SH3TC2: variants seen among roughly 807,000 people sequenced by gnomAD.
The protein encoded by SH3TC2 is SH3 domain and tetratricopeptide repeat-containing protein 2.
In SH3TC2, 87 loss-of-function variants were observed where a neutral mutation model predicts 124.5. The ratio of observed to expected loss-of-function variants is 0.70; its 90% CI spans 0.59 to 0.84. The LOEUF (loss-of-function observed/expected upper bound fraction) is 0.84, where lower values mean the gene tolerates loss of function less well. SH3TC2 is among the 40% of genes least tolerant of loss of function. SH3TC2 has a pLI of 0.00. For missense variants in SH3TC2, 1,536 were observed against 1,566.4 expected (o/e 0.98, Z 0.33); for synonymous variants, 634 against 628.5 (o/e 1.01, Z -0.13).
At chr5:149,050,020 A>G (rs1343896823) in intron 2 of SH3TC2, among the ~76,000 whole-genome samples, 1 of 152,138 alleles carries the variant, frequency 6.6e-6, no homozygotes, top group Non-Finnish European at 1.5e-5. Context: ...CCATCCTTCC[A>G]ACATCTGATC....
In SH3TC2 at chr5:149,010,284, C is replaced by T. The variant is rs750746661; in HGVS notation, c.3313G>A (p.Val1105Met). Residue 1105 changes from valine (V) to methionine (M), a missense_variant, in exon 14 of 17, where the codon GTG (valine) becomes ATG (methionine). Coordinates refer to ENST00000515425, the MANE Select transcript of SH3TC2 (RefSeq NM_024577.4). ...FNGTRHRHHA[V>M]EYYRAGAVPL... ...CTTGGACTTACTCGGTAGTACTCCA[C>T]TGCATGATGCCTGTGGCGGGTCCCA... is the stretch of plus-strand genomic sequence containing the variant. 5.9e-5 allele frequency: 96 copies of T among 1,614,254 alleles called. 2 individuals carry two copies. The East Asian group carries it at 2.0e-3, about 33-fold the overall frequency.
chr5:149,052,225 G>A lies in SH3TC2; in HGVS notation c.68C>T (p.Ser23Phe). 6.2e-7 allele frequency: 1 copy of A among 1,612,378 alleles called. No homozygotes were observed. Among genetic ancestry groups the A allele is most frequent in the Non-Finnish European group, 8.5e-7 (1 of 1,178,510 alleles). ...CTCACTCGATACAGTTGGATCCTTG[G>A]AAGGAGTTTCTTTACCTGGAGAAGA... ...LTRGPGKETP[S>F]KDPTVSSECI... The change falls in exon 2 of 17, where the codon TCC becomes TTC. Residue 23 changes from serine (S) to phenylalanine (F), a missense_variant. Ser to Phe is a radical substitution (Grantham distance 155). Around this residue, in one of 3 missense-constraint regions of SH3TC2, gnomAD observed 1,102 missense variants for 1,098.6 expected, o/e 1.00. Coordinates refer to ENST00000515425, the MANE Select transcript of SH3TC2 (RefSeq NM_024577.4).
At position 149,004,665 on chromosome 5, in the gene SH3TC2, G is replaced by A. The variant is rs532297196; in HGVS notation, c.*46C>T. 96 of 1,604,208 alleles carry A rather than the reference G, an allele frequency of 6.0e-5. 1 individual carries two copies. The South Asian group carries it at 1.0e-3, about 17-fold the overall frequency. On this transcript the variant is annotated 3_prime_UTR_variant, in exon 17 of 17. Transcript: ENST00000515425. Reference sequence around the variant, plus strand: ...GTATTTAAGAGCCTAGGGCAGTGGGGTCAGAGTCTGGCCATGCCAAATGTC... The same window carrying A: ...GTATTTAAGAGCCTAGGGCAGTGGGATCAGAGTCTGGCCATGCCAAATGTC...
chr5:149,023,891 G>GA (rs2127396128), intron 12 of SH3TC2, among the ~76,000 whole-genome samples: 1 of 152,172 alleles, frequency 6.6e-6, no homozygotes, highest in East Asian at 1.9e-4. Context: ...CATAATTTTA[G>GA]AAAAAACTAT....
In SH3TC2 at chr5:149,022,502, A is replaced by G. The variant is rs149297022; in HGVS notation, c.3053+4070T>C. Among the ~76,000 whole-genome samples the G allele has an allele frequency of 3.3e-5, 5 of 152,328 alleles. No individual in the cohort carries two copies. In the East Asian group the frequency reaches 9.6e-4, roughly 29 times the overall value. ...CTAGCAGTTCCCCAAAAGTTTAAAT[A>G]TAGAATTATGGTGTGACTCTGTAAT... On this transcript the variant is annotated intron_variant, in intron 12 of 16. Coordinates refer to ENST00000515425, the MANE Select transcript of SH3TC2 (RefSeq NM_024577.4).
chr5:148,997,836 T>C lies in SH3TC2; in HGVS notation c.*6875A>G, dbSNP rs893442552. ...AAAAATAATAGTAACTACACCAAAA[T>C]GTTGTGTGATTACATGAGAGTCATC... On this transcript the variant is annotated 3_prime_UTR_variant, in exon 17 of 17. Coordinates refer to ENST00000515425, the MANE Select transcript of SH3TC2 (RefSeq NM_024577.4). 1.3e-5 allele frequency among the ~76,000 whole-genome samples: 2 copies of C among 151,510 alleles called. No individual in the cohort carries two copies. The highest frequency in any genetic ancestry group is 6.6e-5 in the Admixed American group (1 of 15,224).
chr5:149,040,554 C>T (rs774238382), intron 7 of SH3TC2, 50 bp downstream of exon 7: 3 of 1,523,492 alleles, frequency 2.0e-6, no homozygotes, highest in Non-Finnish European at 2.7e-6. Flanking sequence ...AATTGAGAGG[C>T]AGGACAACAT....
intron 8 of SH3TC2, 99 bp from the exon 9 acceptor site, chr5:149,031,786 G>A (rs1019544879): frequency 6.6e-7 from 1 of 1,524,536 alleles, no homozygotes; most frequent in Admixed American, 1.7e-5. Context: ...ATGCAGAAAA[G>A]TCATCAAACC....
intron 12 of SH3TC2, among the ~76,000 whole-genome samples, chr5:149,020,113 A>ACACAC (rs1753943863): frequency 6.8e-6 from 1 of 146,804 alleles, no homozygotes; most frequent in Admixed American, 6.7e-5. Flanking sequence ...GAAAAGGTCA[A>ACACAC]ACACACACAC....
chr5:149,045,678 T>A (rs948243132), intron 3 of SH3TC2: 1 of 154,196 alleles, frequency 6.5e-6, no homozygotes, highest in African/African-American at 2.4e-5. Flanking sequence ...AGTCTCGCTC[T>A]GTCGCCAGGC....
Position 148,990,231 on chromosome 5 carries a change from T to C in SH3TC2, c.*14480A>G, listed in dbSNP as rs564255234. On this transcript the variant is annotated 3_prime_UTR_variant, in exon 17 of 17. Transcript: ENST00000515425. ...GCAGTTCCTTTCTCCTACTAGGACA[T>C]TGGTCATTTAAAATATATTCATAGT... 1.1e-4 allele frequency among the ~76,000 whole-genome samples: 17 copies of C among 152,072 alleles called. No homozygotes were observed. The highest frequency in any genetic ancestry group is 2.1e-4 in the Non-Finnish European group (14 of 68,026).
At chr5:149,020,581 A>C (rs140899404) in intron 12 of SH3TC2, among the ~76,000 whole-genome samples, 18 of 152,326 alleles carry the variant, frequency 1.2e-4, no homozygotes, top group African/African-American at 4.1e-4. Flanking sequence ...TGCTGCCTAC[A>C]AGAGACATAC....
Position 148,997,538 on chromosome 5 carries a change from T to A in SH3TC2, c.*7173A>T, listed in dbSNP as rs1753531774. ...TCCAATCCTGTTCTAAAGTAACCAA[T>A]TTTGATTGATTCAATTACACCAGAA... On this transcript the variant is annotated 3_prime_UTR_variant, in exon 17 of 17. Coordinates refer to ENST00000515425, the MANE Select transcript of SH3TC2 (RefSeq NM_024577.4). 1.3e-5 allele frequency among the ~76,000 whole-genome samples: 2 copies of A among 152,212 alleles called. No individual in the cohort carries two copies. Among genetic ancestry groups the A allele is most frequent in the African/African-American group, 4.8e-5 (2 of 41,456 alleles).
rs1160585027 is a variant in SH3TC2 at position 148,984,359 on chromosome 5, T to C, written c.*20352A>G. 6.6e-6 allele frequency among the ~76,000 whole-genome samples: 1 copy of C among 152,052 alleles called. No homozygotes were observed. The highest frequency in any genetic ancestry group is 2.4e-5 in the African/African-American group (1 of 41,430). The stretch of plus-strand genomic sequence containing the variant: ...CAGTTTATTCATTATACATTATAAA[T>C]ATATACAATTATTATTTATCAATTA... On this transcript the variant is annotated 3_prime_UTR_variant, in exon 17 of 17. Coordinates refer to ENST00000515425, the MANE Select transcript of SH3TC2 (RefSeq NM_024577.4).
At chr5:149,062,824 C>T (rs1251243919) in intron 1 of SH3TC2, 147 bp downstream of exon 1, 1 of 769,048 alleles carries the variant, frequency 1.3e-6, no homozygotes. Flanking sequence ...CAAACACTTA[C>T]CCAGGGAGGA....
Position 149,028,378 on chromosome 5 carries a change from G to T in SH3TC2, c.1354C>A (p.Leu452Met), listed in dbSNP as rs771409377. The change falls in exon 11 of 17, where the codon CTG (leucine) becomes ATG (methionine). Residue 452 changes from leucine (L) to methionine (M), a missense_variant. This residue lies in a region of SH3TC2 where 1,102 missense variants were observed against 1,098.6 expected (regional missense o/e 1.00). Transcript: ENST00000515425. ...TGACCAGTGCTTAGGTCCATGAGCA[G>T]TTCCGGGTCATCAAGGTCATCAGGC... ...PEPDDLDDPE[L>M]LMDLSTGQEE... 4 of 1,614,174 alleles carry T rather than the reference G, an allele frequency of 2.5e-6. No homozygotes were observed. The highest frequency in any genetic ancestry group is 4.5e-5 in the East Asian group (2 of 44,886).
intron 8 of SH3TC2, among the ~76,000 whole-genome samples, chr5:149,035,086 A>G (rs1754260251): frequency 6.6e-6 from 1 of 152,232 alleles, no homozygotes; most frequent in African/African-American, 2.4e-5. Context: ...GTAATAAAAT[A>G]TATTACACGT....
Position 149,027,403 on chromosome 5 carries a change from T to G in SH3TC2, c.2329A>C (p.Ile777Leu). 6.2e-7 allele frequency: 1 copy of G among 1,614,154 alleles called. No individual in the cohort carries two copies. Among genetic ancestry groups the G allele is most frequent in the Non-Finnish European group, 8.5e-7 (1 of 1,180,032 alleles). Residue 777 changes from isoleucine to leucine, a missense_variant, in exon 11 of 17, where the codon ATC (isoleucine) becomes CTC (leucine). Coordinates refer to ENST00000515425, the MANE Select transcript of SH3TC2 (RefSeq NM_024577.4). ...ACCAAGGCCTGGCTCAGGTAGTGGA[T>G]GGCACCGTCAGGAGACCTGTGCTCG... ...YLEHRSPDGA[I>L]HYLSQALVLG...
intron 8 of SH3TC2, chr5:149,034,408 G>A: frequency 3.1e-6 from 1 of 319,654 alleles, no homozygotes; most frequent in Non-Finnish European, 6.3e-6. Context: ...AGGAATTCCA[G>A]AAGAGAGACT....
Sources: gnomAD v4.1 joint callset for allele counts (sites outside exome capture counted in the v4.1 genomes callset) on GRCh38, gnomAD v4.1.1 for gene constraint, gnomAD v4.1.1 regional missense constraint, MANE v1.5 for transcripts, NCBI Gene and HGNC (gene_info 2026-07-23, HGNC 2026-07-21) for gene names.